ADAMTS7: variants seen among roughly 807,000 people sequenced by gnomAD.
The protein encoded by ADAMTS7 is ADAM metallopeptidase with thrombospondin type 1 motif 7, also known as A disintegrin and metalloproteinase with thrombospondin motifs 7.
A neutral mutation model predicts 172.6 loss-of-function variants in ADAMTS7; 89 were observed. That is an observed-to-expected ratio of 0.52 (90% CI 0.43 to 0.61). The LOEUF (loss-of-function observed/expected upper bound fraction) is 0.61. Among genes scored for constraint, ADAMTS7 ranks in the 20% least tolerant of loss-of-function variants. The pLI is 0.00. For missense variants in ADAMTS7, 1,973 were observed against 2,355.6 expected (o/e 0.84, Z 3.36); for synonymous variants, 885 against 978.4 (o/e 0.90, Z 1.78).
chr15:78,760,962 G>A, intron 23 of ADAMTS7, among the ~76,000 whole-genome samples: 1 of 152,070 alleles, frequency 6.6e-6, no homozygotes, highest in Non-Finnish European at 1.5e-5. Flanking sequence ...GCCCCATCTG[G>A]TCCTCCCCCA....
chr15:78,808,528 AG>A (rs1417130809), intron 1 of ADAMTS7, among the ~76,000 whole-genome samples: 2 of 152,096 alleles, frequency 1.3e-5, no homozygotes, highest in Non-Finnish European at 2.9e-5. Flanking sequence ...GAGCCACTGC[AG>A]CCCGCCAGCA....
rs1234647814 is a variant in ADAMTS7 at position 78,773,074 on chromosome 15, A to G, written c.2131+9T>C. 1 of 1,479,744 alleles carries G rather than the reference A, an allele frequency of 6.8e-7. No individual in the cohort carries two copies. The highest frequency in any genetic ancestry group is 9.3e-7 in the Non-Finnish European group (1 of 1,080,020). The allele number at this position is 1,479,744 out of a possible 1,614,324, so 91.7% of individuals were successfully genotyped here. On this transcript the variant is annotated intron_variant, in intron 14 of 23. Transcript: ENST00000388820. ...GCATACCCCTCCCCACAGCGGTCCC[A>G]CCCCATACCCAGGCCCTCGGCCTCC... is the stretch of plus-strand genomic sequence containing the variant.
intron 8 of ADAMTS7, among the ~76,000 whole-genome samples, chr15:78,783,961 C>T (rs1248833199): frequency 6.6e-6 from 1 of 151,628 alleles, no homozygotes; most frequent in East Asian, 1.9e-4. Flanking sequence ...AGATGAGACA[C>T]TCAATGTATA....
chr15:78,776,987 C>T (rs1330498598), intron 9 of ADAMTS7, 146 bp from the exon 10 acceptor site: 9 of 660,172 alleles, frequency 1.4e-5, no homozygotes, highest in East Asian at 1.1e-4. Flanking sequence ...TTCTTGTGTG[C>T]CTGCTCCCAC....
At position 78,766,383 on chromosome 15, in the gene ADAMTS7, C is replaced by A; in HGVS notation, c.3528G>T (p.Trp1176Cys). 4.4e-6 allele frequency: 7 copies of A among 1,609,108 alleles called. No homozygotes were observed. The highest frequency in any genetic ancestry group is 5.9e-6 in the Non-Finnish European group (7 of 1,179,056). Residue 1176 changes from tryptophan to cysteine, a missense_variant, in exon 19 of 24, where the codon TGG (tryptophan) becomes TGT (cysteine). Physicochemically the swap from Trp to Cys is radical, Grantham distance 215. Around this residue, in one of 8 missense-constraint regions of ADAMTS7, gnomAD observed 771 missense variants for 952.6 expected, o/e 0.81. Transcript: ENST00000388820. ...APDLGLPSLSWPRVSTDGLQT... is the reference protein window; with the variant it reads ...APDLGLPSLSCPRVSTDGLQT... ...GCAGGCCATCAGTGGAAACCCTGGG[C>A]CAGGACAGGCTGGGGAGCCCAAGAT...
At chr15:78,761,794 G>A (rs953073217) in intron 23 of ADAMTS7, 6 of 971,780 alleles carry the variant, frequency 6.2e-6, no homozygotes, top group Non-Finnish European at 7.3e-6. Flanking sequence ...CGGCGGCAGG[G>A]GTGTCCAGAA....
At chr15:78,794,112 G>A (rs748861025) in intron 4 of ADAMTS7, among the ~76,000 whole-genome samples, 17 of 152,156 alleles carry the variant, frequency 1.1e-4, no homozygotes, top group African/African-American at 2.2e-4. Flanking sequence ...GGTGGGGCAC[G>A]CTTGTAATCC....
chr15:78,782,782 G>C (rs559576172), intron 8 of ADAMTS7, among the ~76,000 whole-genome samples: 10 of 151,992 alleles, frequency 6.6e-5, no homozygotes, highest in Admixed American at 2.0e-4. Flanking sequence ...TTAGTGCCAG[G>C]AGGGCTGAAG....
rs1047963752 is a variant in ADAMTS7 at position 78,808,518 on chromosome 15, G to A, written c.100+2603C>T. ...CCCAAAGTGCTGGGATTACAAGCAT[G>A]AGCCACTGCAGCCCGCCAGCATTAC... On this transcript the variant is annotated intron_variant, in intron 1 of 23. Transcript: ENST00000388820. Among the ~76,000 whole-genome samples the A allele has an allele frequency of 2.0e-5, 3 of 152,184 alleles. No homozygotes were observed. In the South Asian group the frequency reaches 6.2e-4, roughly 32 times the overall value.
intron 3 of ADAMTS7, 146 bp from the exon 4 acceptor site, chr15:78,796,932 C>A: frequency 1.4e-6 from 1 of 696,826 alleles, no homozygotes; most frequent in Non-Finnish European, 2.3e-6. Context: ...CCTCCTGGCT[C>A]TGTCCCAGAT....
chr15:78,774,537 G>C, intron 12 of ADAMTS7, 87 bp downstream of exon 12: 1 of 1,591,698 alleles, frequency 6.3e-7, no homozygotes, highest in Non-Finnish European at 8.6e-7. Flanking sequence ...TGAAGACTGG[G>C]CCTCCTGCTC....
chr15:78,760,158 C>T (rs866673969), intron 23 of ADAMTS7, among the ~76,000 whole-genome samples: 1 of 151,976 alleles, frequency 6.6e-6, no homozygotes, highest in Non-Finnish European at 1.5e-5. Context: ...AGTGAGTGGG[C>T]CTTACAGGCC....
rs539703962 is a variant in ADAMTS7, at chr15:78,759,609, C to A, written c.4904-31G>T. ...GTGGGGGGGCAGAGAGGCATCAGAA[C>A]CAGTAGCTTGGGGTACCCAGAACCT... On this transcript the variant is annotated intron_variant, in intron 23 of 23. Transcript: ENST00000388820. The A allele has an allele frequency of 2.1e-4, 326 of 1,545,326 alleles. 2 individuals carry two copies. The Middle Eastern group carries it at 2.8e-3, about 13-fold the overall frequency.
rs371092119 is a variant in ADAMTS7, at chr15:78,763,983, C to A, written c.4536G>T (p.Ala1512=). 10 of 1,546,088 alleles carry A rather than the reference C, an allele frequency of 6.5e-6. No homozygotes were observed. The highest frequency in any genetic ancestry group is 8.7e-6 in the Non-Finnish European group (10 of 1,145,238). ...HCQPGPAKPP[A]HRPCGAQPCL... ...AGGGCTGGGCCCCGCAGGGCCGGTG[C>A]GCAGGCGGCTTGGCAGGCCCGGGCT... is the stretch of plus-strand genomic sequence containing the variant. The change falls in exon 21 of 24, where the codon GCG becomes GCT. Residue 1512 remains alanine (A), a synonymous_variant. Transcript: ENST00000388820.
chr15:78,767,085 G>A (rs111323916), intron 18 of ADAMTS7, 34 bp from the exon 19 acceptor site: 11 of 1,517,240 alleles, frequency 7.3e-6, no homozygotes, highest in Middle Eastern at 2.3e-4. Context: ...GGCTTACCCT[G>A]GGAGGCAGGC....
rs1214665472 is a variant in ADAMTS7, at chr15:78,771,739, C to T, written c.2222G>A (p.Ser741Asn). 6 of 1,611,414 alleles carry T rather than the reference C, an allele frequency of 3.7e-6. No individual in the cohort carries two copies. Among genetic ancestry groups the T allele is most frequent in the East Asian group, 2.2e-5 (1 of 44,878 alleles). The part of the protein sequence containing the change: ...AEAANFLALR[S>N]EDPEKYFLNG... ...GAGGAAGTACTTCTCCGGGTCCTCG[C>T]TCCGCAGTGCCAGGAAGTTGGCAGC... The change falls in exon 15 of 24, where the codon AGC becomes AAC. Residue 741 changes from serine to asparagine, a missense_variant. Around this residue, in one of 8 missense-constraint regions of ADAMTS7, gnomAD observed 771 missense variants for 952.6 expected, o/e 0.81. Transcript: ENST00000388820. This position sits in a 1 kb window ranked among gnomAD's most constrained non-coding sequence, Gnocchi z 4.9.
At chr15:78,779,619 C>T (rs59697303) in intron 8 of ADAMTS7, among the ~76,000 whole-genome samples, 44,785 of 152,080 alleles carry the variant, frequency 0.29, 6,743 homozygotes, top group South Asian at 0.41. Context: ...GGCCTGCACC[C>T]GGGGCAGAGT....
In ADAMTS7 at chr15:78,811,200, G is replaced by A. The variant is rs908441482; in HGVS notation, c.21C>T (p.Pro7=). MPGGPS[P]RSPAPLLRPL... is the part of the protein sequence containing the mutation. Reference sequence around the variant, plus strand: ...GGCGCAGCAAAGGCGCGGGGCTGCGGGGACTGGGGCCGCCGGGCATGGCAG... The same window carrying A: ...GGCGCAGCAAAGGCGCGGGGCTGCGAGGACTGGGGCCGCCGGGCATGGCAG... The change falls in exon 1 of 24, where the codon CCC becomes CCT. Residue 7 remains proline, a synonymous_variant. Transcript: ENST00000388820. The A allele has an allele frequency of 5.7e-6, 7 of 1,229,172 alleles. No homozygotes were observed. Among genetic ancestry groups the A allele is most frequent in the Non-Finnish European group, 7.1e-6 (7 of 986,246 alleles). 76.1% of individuals were successfully genotyped at this position (1,229,172 alleles called of 1,614,324 possible).
rs1346471523 is a variant in ADAMTS7, at chr15:78,766,338, C to A, written c.3573G>T (p.Glu1191Asp). 3.1e-6 allele frequency: 5 copies of A among 1,610,898 alleles called. No individual in the cohort carries two copies. Among genetic ancestry groups the A allele is most frequent in the African/African-American group, 1.3e-5 (1 of 74,844 alleles). ...TDGLQTPATP[E>D]SQNDFPVGKD... ...TGCCAACTGGGAAATCATTTTGGCT[C>A]TCAGGGGTGGCAGGTGTCTGCAGGC... is the stretch of plus-strand genomic sequence containing the variant. Residue 1191 changes from glutamate to aspartate, a missense_variant, in exon 19 of 24, where the codon GAG becomes GAT. By Grantham distance (45) the Glu-to-Asp change is conservative. Transcript: ENST00000388820.
Sources: gnomAD v4.1 joint callset for allele counts (sites outside exome capture counted in the v4.1 genomes callset) on GRCh38, gnomAD v4.1.1 for gene constraint, gnomAD v4.1.1 regional missense constraint, Gnocchi (gnomAD v3.1) non-coding constraint, MANE v1.5 for transcripts, NCBI Gene and HGNC (gene_info 2026-07-23, HGNC 2026-07-21) for gene names.